GINS1: variants seen among roughly 807,000 people sequenced by gnomAD.
The protein encoded by GINS1 is GINS complex subunit 1, also known as DNA replication complex GINS protein PSF1.
GINS1 carries 26 observed loss-of-function variants against 34.9 expected under a neutral mutation model. The ratio of observed to expected loss-of-function variants is 0.74; its 90% CI spans 0.55 to 1.03. The LOEUF (loss-of-function observed/expected upper bound fraction) is 1.03. Ranked by LOEUF, GINS1 falls within the 50% of genes least tolerant of loss-of-function variation. The pLI is 0.00. For synonymous variants in GINS1, 97 were observed against 84.4 expected (o/e 1.15, Z -0.82); for missense variants, 235 against 237.9 (o/e 0.99, Z 0.08).
intron 5 of GINS1, among the ~76,000 whole-genome samples, chr20:25,428,969 C>CTTTTTTTTTTTTT (rs77113924): frequency 6.3e-5 from 8 of 127,512 alleles, no homozygotes; most frequent in Non-Finnish European, 9.9e-5. Flanking sequence ...ATTCCTCTCT[C>CTTTTTTTTTTTTT]TTTTTTTTTT....
chr20:25,427,227 C>G (rs539752672), intron 5 of GINS1, among the ~76,000 whole-genome samples: 2 of 152,092 alleles, frequency 1.3e-5, no homozygotes, highest in African/African-American at 4.8e-5. Flanking sequence ...TGCAGTGGCG[C>G]GATCTCGGCT....
chr20:25,424,132 C>G (rs996501318), intron 4 of GINS1, among the ~76,000 whole-genome samples: 5 of 152,148 alleles, frequency 3.3e-5, no homozygotes, highest in African/African-American at 7.2e-5. Context: ...CCTGTGGATT[C>G]TGAATGGGAG....
At chr20:25,442,608 T>C (rs1003584537) in intron 6 of GINS1, among the ~76,000 whole-genome samples, 3 of 119,900 alleles carry the variant, frequency 2.5e-5, no homozygotes, top group Non-Finnish European at 3.5e-5. Flanking sequence ...ATTATTATTA[T>C]TATTTTTTTT....
At chr20:25,422,316 G>C (rs867220193) in intron 4 of GINS1, among the ~76,000 whole-genome samples, 1 of 151,786 alleles carries the variant, frequency 6.6e-6, no homozygotes, top group Non-Finnish European at 1.5e-5. Flanking sequence ...GCTCACACCC[G>C]CAACCCCAGC....
Position 25,446,196 on chromosome 20 carries a change from T to TTTTTGG in GINS1, c.*217_*222dup, listed in dbSNP as rs2090511606. ...TGTTGTACACTATTCTTCCTACTCTTTTTTGGTTTTGGTTTTGTTTTGTAG... is the reference window on the plus strand; with the variant it reads ...TGTTGTACACTATTCTTCCTACTCTTTTTTGGTTTTGGTTTTGGTTTTGTTTTGTAG... On this transcript the variant is annotated 3_prime_UTR_variant, in exon 7 of 7. Transcript: ENST00000262460. 2.4e-6 allele frequency: 1 copy of TTTTTGG among 411,044 alleles called. No individual in the cohort carries two copies. Among genetic ancestry groups the TTTTTGG allele is most frequent in the Non-Finnish European group, 4.3e-6 (1 of 231,760 alleles). The allele number at this position is 411,044 out of a possible 1,614,324, so 25.5% of individuals were successfully genotyped here.
chr20:25,409,309 G>A (rs895560160), intron 1 of GINS1, among the ~76,000 whole-genome samples: 2 of 152,222 alleles, frequency 1.3e-5, no homozygotes, highest in Non-Finnish European at 2.9e-5. Context: ...GGATTGAAGA[G>A]AGGAAAGAAT....
At chr20:25,413,587 T>C (rs1446230421) in intron 1 of GINS1, 6 of 557,780 alleles carry the variant, frequency 1.1e-5, no homozygotes, top group Non-Finnish European at 1.9e-5. Flanking sequence ...CTATACCGTT[T>C]TACATTCCCA....
chr20:25,426,184 G>A (rs1013249573), intron 5 of GINS1, among the ~76,000 whole-genome samples: 5 of 152,152 alleles, frequency 3.3e-5, no homozygotes, highest in African/African-American at 1.2e-4. Flanking sequence ...CAAATGACAA[G>A]TTATTTGTCT....
chr20:25,418,246 G>T (rs1475627659), intron 4 of GINS1, 51 bp downstream of exon 4: 2 of 1,005,648 alleles, frequency 2.0e-6, no homozygotes, highest in South Asian at 1.3e-5. Flanking sequence ...TAAAGTTCTG[G>T]CATTGTTCTA....
intron 1 of GINS1, among the ~76,000 whole-genome samples, chr20:25,408,472 CTATTAA>C (rs2146180182): frequency 6.6e-6 from 1 of 152,234 alleles, no homozygotes; most frequent in East Asian, 1.9e-4. Flanking sequence ...GCTGCTGTTA[CTATTAA>C]TATTATGATT....
At position 25,418,135 on chromosome 20, in the gene GINS1, C is replaced by T. The variant is rs1274058372; in HGVS notation, c.270C>T (p.Leu90=). Residue 90 remains leucine (L), a synonymous_variant, in exon 4 of 7, where the codon CTC becomes CTT. Coordinates refer to ENST00000262460, the MANE Select transcript of GINS1 (RefSeq NM_021067.5). ...LYDRLLRIRA[L]RWEYGSVLPN... is the part of the protein sequence containing the mutation. The stretch of plus-strand genomic sequence containing the variant: ...ACCGCTTGCTTCGGATCAGAGCACT[C>T]AGATGGGAATATGGTAGCGTCTTGC... 1 of 1,604,662 alleles carries T rather than the reference C, an allele frequency of 6.2e-7. No individual in the cohort carries two copies. The highest frequency in any genetic ancestry group is 1.1e-5 in the South Asian group (1 of 90,920).
At chr20:25,411,186 G>A (rs1256000975) in intron 1 of GINS1, 3 of 152,154 alleles carry the variant, frequency 2.0e-5, no homozygotes, top group Admixed American at 2.0e-4. Context: ...GAAGTGAGAG[G>A]ATTGCATGGC....
chr20:25,425,526 G>C (rs1419619379), intron 5 of GINS1, among the ~76,000 whole-genome samples, 199 bp downstream of exon 5: 1 of 152,172 alleles, frequency 6.6e-6, no homozygotes, highest in East Asian at 1.9e-4. Context: ...TGTTTTAATA[G>C]TTTTGAGTAT....
chr20:25,413,856 TA>T lies in GINS1; in HGVS notation c.140+4del. 1 of 1,484,754 alleles carries T rather than the reference TA, an allele frequency of 6.7e-7. No homozygotes were observed. The highest frequency in any genetic ancestry group is 9.4e-7 in the Non-Finnish European group (1 of 1,061,824). The allele number at this position is 1,484,754 out of a possible 1,614,324, so 92.0% of individuals were successfully genotyped here. A position where few individuals can be genotyped will look rare whatever the true frequency, so the allele number is the denominator to read the frequency against. ...GTATGAACAAAACCAGTCTGATGTG[TA>T]AGTTTCATAAGATGATATTCTAAAA... On this transcript the variant is annotated splice_donor_region_variant and intron_variant, in intron 2 of 6. Transcript: ENST00000262460.
At chr20:25,432,881 C>T (rs1234869863) in intron 5 of GINS1, among the ~76,000 whole-genome samples, 1 of 148,228 alleles carries the variant, frequency 6.7e-6, no homozygotes, top group Non-Finnish European at 1.5e-5. Flanking sequence ...TATATAATAA[C>T]ATTATATATT....
Position 25,422,048 on chromosome 20 carries a change from CTTAATT to C in GINS1, c.331-3161_331-3156del, listed in dbSNP as rs1195827213. Among the ~76,000 whole-genome samples the C allele has an allele frequency of 2.0e-5, 3 of 152,034 alleles. No homozygotes were observed. The East Asian group carries it at 5.8e-4, about 29-fold the overall frequency. ...ATACCTTTTAAATCTTTTAAAATCA[CTTAATT>C]TAACCATTTGCATTGTGAAATCTAA... On this transcript the variant is annotated intron_variant, in intron 4 of 6. Coordinates refer to ENST00000262460, the MANE Select transcript of GINS1 (RefSeq NM_021067.5).
At chr20:25,436,340 T>C (rs996881455) in intron 5 of GINS1, among the ~76,000 whole-genome samples, 1 of 152,224 alleles carries the variant, frequency 6.6e-6, no homozygotes, top group African/African-American at 2.4e-5. Flanking sequence ...TTGTAGTTTG[T>C]TGAGCTTCTT....
chr20:25,412,487 AGAGGTTGCAGTGAGCC>A (rs542965273), intron 1 of GINS1, among the ~76,000 whole-genome samples: 49 of 152,070 alleles, frequency 3.2e-4, no homozygotes, highest in African/African-American at 1.2e-3. Context: ...CCCAGGAGGC[AGAGGTTGCAGTGAGCC>A]GAGATTGCAC....
chr20:25,428,967 C>CTTTTTTTTTTTTTTTT (rs1241187859), intron 5 of GINS1, among the ~76,000 whole-genome samples: 2 of 114,162 alleles, frequency 1.8e-5, no homozygotes, highest in East Asian at 2.6e-4. Flanking sequence ...TCATTCCTCT[C>CTTTTTTTTTTTTTTTT]TCTTTTTTTT....
Sources: allele counts gnomAD v4.1 joint callset (sites outside exome capture counted in the v4.1 genomes callset), GRCh38; gene constraint gnomAD v4.1.1; transcripts MANE v1.5; gene names NCBI Gene and HGNC (gene_info 2026-07-23, HGNC 2026-07-21).